Variants in PTPRD observed in about 807,000 individuals in gnomAD.
The protein encoded by PTPRD is receptor-type tyrosine-protein phosphatase delta.
Under a neutral mutation model 214.5 loss-of-function variants are expected in PTPRD, and 34 were observed. The ratio of observed to expected loss-of-function variants is 0.16; its 90% CI spans 0.12 to 0.21. The LOEUF (loss-of-function observed/expected upper bound fraction) is 0.21, where lower values mean the gene tolerates loss of function less well. Among genes scored for constraint, PTPRD ranks in the 10% least tolerant of loss-of-function variants. PTPRD has a pLI of 1.00. For synonymous variants in PTPRD, 1,128 were observed against 845.7 expected, an observed-to-expected ratio of 1.33 and a Z score of -5.79; for missense variants, 2,545 against 2,398.7, an observed-to-expected ratio of 1.06 and a Z score of -1.27.
intron 4 of PTPRD, among the ~76,000 whole-genome samples, chr9:9,947,873 A>G (rs1437474510): frequency 6.6e-6 from 1 of 151,056 alleles, no homozygotes; most frequent in Non-Finnish European, 1.5e-5. Context: ...CAGTGAATAT[A>G]TCTATTTTTA....
intron 5 of PTPRD, among the ~76,000 whole-genome samples, chr9:9,797,485 C>A (rs1392193309): frequency 6.6e-6 from 1 of 151,812 alleles, no homozygotes; most frequent in Admixed American, 6.6e-5. Context: ...GACCAAAAAT[C>A]TAGAAAAATG....
chr9:9,878,449 G>T (rs1443941360), intron 5 of PTPRD, among the ~76,000 whole-genome samples: 3 of 152,280 alleles, frequency 2.0e-5, no homozygotes, highest in East Asian at 3.9e-4. Context: ...GAAGACTAAG[G>T]AGAGTCATCT....
At chr9:10,086,912 C>T (rs745825008) in intron 3 of PTPRD, among the ~76,000 whole-genome samples, 5 of 151,712 alleles carry the variant, frequency 3.3e-5, no homozygotes, top group Non-Finnish European at 4.4e-5. Context: ...AATTAATACA[C>T]ATAAAAAGTT....
At chr9:10,333,622 C>T (rs1417367346) in intron 3 of PTPRD, among the ~76,000 whole-genome samples, 1 of 151,756 alleles carries the variant, frequency 6.6e-6, no homozygotes, top group Non-Finnish European at 1.5e-5. Flanking sequence ...AAGGTAAAAT[C>T]TTAGCAAGGA....
At chr9:9,030,424 CA>C (rs950037657) in intron 10 of PTPRD, among the ~76,000 whole-genome samples, 2 of 151,466 alleles carry the variant, frequency 1.3e-5, no homozygotes, top group Non-Finnish European at 2.9e-5. Flanking sequence ...CGTCCTCAAT[CA>C]ACACTTACCA....
At chr9:9,138,652 G>A (rs1404993253) in intron 10 of PTPRD, among the ~76,000 whole-genome samples, 1 of 152,044 alleles carries the variant, frequency 6.6e-6, no homozygotes, top group East Asian at 1.9e-4. Context: ...CAGTTTTAAG[G>A]TACATTCTTT....
chr9:9,681,542 C>G (rs376635355), intron 7 of PTPRD, among the ~76,000 whole-genome samples: 1 of 151,654 alleles, frequency 6.6e-6, no homozygotes, highest in African/African-American at 2.4e-5. Context: ...CCAGTATGAC[C>G]CCACCTATCA....
chr9:9,327,991 G>A (rs1320286958), intron 9 of PTPRD, among the ~76,000 whole-genome samples: 2 of 151,934 alleles, frequency 1.3e-5, no homozygotes, highest in African/African-American at 4.8e-5. Flanking sequence ...AGCCGTCCTG[G>A]GCCCATACAG....
chr9:9,104,836 G>A (rs1386378111), intron 10 of PTPRD, among the ~76,000 whole-genome samples: 2 of 152,146 alleles, frequency 1.3e-5, no homozygotes, highest in African/African-American at 2.4e-5. Context: ...GGAGTTCGAC[G>A]TGATTCCTGA....
intron 5 of PTPRD, among the ~76,000 whole-genome samples, chr9:9,935,870 C>T (rs1251444657): frequency 1.3e-5 from 2 of 149,248 alleles, no homozygotes; most frequent in East Asian, 2.0e-4. Flanking sequence ...GTACTGGTAC[C>T]AAAACAGAGA....
At chr9:10,215,779 T>C (rs1194412477) in intron 3 of PTPRD, among the ~76,000 whole-genome samples, 1 of 152,028 alleles carries the variant, frequency 6.6e-6, no homozygotes, top group African/African-American at 2.4e-5. Flanking sequence ...TAAATTGAGG[T>C]ATACTTGTTT....
chr9:10,231,989 A>AGAGAGAGAGAGT (rs1245284728), intron 3 of PTPRD, among the ~76,000 whole-genome samples: 36 of 92,496 alleles, frequency 3.9e-4, no homozygotes, highest in African/African-American at 1.8e-3. Flanking sequence ...AGAGAGAGAG[A>AGAGAGAGAGAGT]GTGTGTGTGT....
chr9:8,875,656 C>G (rs1224768583), intron 11 of PTPRD, among the ~76,000 whole-genome samples: 1 of 152,118 alleles, frequency 6.6e-6, no homozygotes, highest in Non-Finnish European at 1.5e-5. Context: ...TATGGATGCT[C>G]TTGTATATTA....
chr9:9,894,075 T>C (rs2074234456), intron 5 of PTPRD, among the ~76,000 whole-genome samples: 1 of 152,004 alleles, frequency 6.6e-6, no homozygotes, highest in Non-Finnish European at 1.5e-5. Context: ...TTCCTTGGCC[T>C]CCTAACGCTG....
At chr9:9,726,342 GAAGT>G (rs1371107283) in intron 7 of PTPRD, among the ~76,000 whole-genome samples, 2 of 152,118 alleles carry the variant, frequency 1.3e-5, no homozygotes, top group African/African-American at 4.8e-5. Flanking sequence ...GGGTATCTCA[GAAGT>G]AAGAAATGAA....
intron 8 of PTPRD, among the ~76,000 whole-genome samples, chr9:9,467,480 G>C (rs771277487): frequency 1.1e-4 from 16 of 150,352 alleles, no homozygotes; most frequent in Non-Finnish European, 2.1e-4. Context: ...CCAGCTACTC[G>C]AGAGGCTGAG....
chr9:10,411,008 T>C (rs1352383937), intron 2 of PTPRD, among the ~76,000 whole-genome samples: 1 of 151,712 alleles, frequency 6.6e-6, no homozygotes. Context: ...AATAAGAAAA[T>C]TTGAGTCAGG....
chr9:8,848,273 G>A (rs917396601), intron 11 of PTPRD, among the ~76,000 whole-genome samples: 4 of 149,524 alleles, frequency 2.7e-5, no homozygotes, highest in Non-Finnish European at 5.9e-5. Context: ...CTTCAGAAAC[G>A]GTAGAGAGGC....
chr9:9,051,094 T>C (rs1287124043), intron 10 of PTPRD, among the ~76,000 whole-genome samples: 3 of 152,198 alleles, frequency 2.0e-5, no homozygotes, highest in African/African-American at 7.2e-5. Flanking sequence ...TAGGCTATTA[T>C]ATAGTCTTCC....
Sources: gnomAD v4.1 joint callset for allele counts (sites outside exome capture counted in the v4.1 genomes callset) on GRCh38, gnomAD v4.1.1 for gene constraint, MANE v1.5 for transcripts, NCBI Gene and HGNC (gene_info 2026-07-23, HGNC 2026-07-21) for gene names.